SCHIP1: variants seen among roughly 807,000 people sequenced by gnomAD.
SCHIP1 encodes schwannomin-interacting protein 1.
Under a neutral mutation model 29.7 loss-of-function variants are expected in SCHIP1, and 8 were observed. The ratio of observed to expected loss-of-function variants is 0.27; its 90% CI spans 0.16 to 0.49. The LOEUF is 0.49. Among genes scored for constraint, SCHIP1 ranks in the 20% least tolerant of loss-of-function variants. The pLI, the probability that SCHIP1 is intolerant of heterozygous loss-of-function variation, is 0.99. For missense variants in SCHIP1, 193 were observed against 294.6 expected, an observed-to-expected ratio of 0.66 and a Z score of 2.52; for synonymous variants, 76 against 94.9, an observed-to-expected ratio of 0.80 and a Z score of 1.16.
chr3:159,393,795 G>A, the SCHIP1 span, among the ~76,000 whole-genome samples: 21 of 151,802 alleles, frequency 1.4e-4, no homozygotes, highest in South Asian at 8.4e-4. Flanking sequence ...TTGGCGATGC[G>A]GGCTCTTTTT....
the SCHIP1 span, among the ~76,000 whole-genome samples, chr3:159,302,763 C>A: frequency 6.6e-6 from 1 of 152,284 alleles, no homozygotes; most frequent in African/African-American, 2.4e-5. Flanking sequence ...GCAGAGTGAT[C>A]CAACCATCCC....
the SCHIP1 span, among the ~76,000 whole-genome samples, chr3:159,651,530 A>G: frequency 6.6e-6 from 1 of 152,176 alleles, no homozygotes; most frequent in African/African-American, 2.4e-5. Context: ...ATTACTAACA[A>G]TATAGTTGTT....
chr3:159,704,399 C>T, the SCHIP1 span, among the ~76,000 whole-genome samples: 2 of 128,858 alleles, frequency 1.6e-5, no homozygotes, highest in Non-Finnish European at 3.1e-5. Context: ...GGTGCCATTG[C>T]GCTCCAGCAA....
the SCHIP1 span, among the ~76,000 whole-genome samples, chr3:159,795,828 G>A: frequency 6.6e-6 from 1 of 152,162 alleles, no homozygotes; most frequent in African/African-American, 2.4e-5. Flanking sequence ...TATGGCCATG[G>A]AGTAGGATGT....
the SCHIP1 span, among the ~76,000 whole-genome samples, chr3:159,560,922 C>T: frequency 5.9e-5 from 9 of 152,214 alleles, no homozygotes; most frequent in South Asian, 2.1e-4. Context: ...TCAGCTTTTT[C>T]GTTAATGAAC....
intron 1 of SCHIP1, chr3:159,845,670 C>T (rs963960722): frequency 2.0e-5 from 3 of 152,278 alleles, no homozygotes; most frequent in Admixed American, 6.5e-5. Context: ...TCGTGAGCCA[C>T]CGCGCCTGGC....
At chr3:159,615,536 G>A in the SCHIP1 span, among the ~76,000 whole-genome samples, 1 of 152,162 alleles carries the variant, frequency 6.6e-6, no homozygotes, top group Admixed American at 6.5e-5. Flanking sequence ...TTAGAAAAAG[G>A]CACCTCCCTC....
the SCHIP1 span, among the ~76,000 whole-genome samples, chr3:159,810,357 G>A: frequency 6.6e-6 from 1 of 152,290 alleles, no homozygotes; most frequent in South Asian, 2.1e-4. Flanking sequence ...AAATTCACCT[G>A]TTTTAAATGC....
chr3:159,879,723 A>G (rs1716242685), intron 2 of SCHIP1, among the ~76,000 whole-genome samples: 1 of 152,208 alleles, frequency 6.6e-6, no homozygotes, highest in Admixed American at 6.5e-5. Context: ...ATTTAATTAC[A>G]TGAAAGTGGT....
chr3:159,732,845 A>G, the SCHIP1 span, among the ~76,000 whole-genome samples: 1 of 152,222 alleles, frequency 6.6e-6, no homozygotes, highest in Non-Finnish European at 1.5e-5. Flanking sequence ...AGCTGGAGCT[A>G]CAGGACCAGA....
chr3:159,710,575 G>A, the SCHIP1 span, among the ~76,000 whole-genome samples: 2 of 152,058 alleles, frequency 1.3e-5, no homozygotes, highest in Admixed American at 1.3e-4. Context: ...AGTATGTGAG[G>A]GGACAGACAT....
the SCHIP1 span, among the ~76,000 whole-genome samples, chr3:159,444,112 G>A: frequency 6.6e-6 from 1 of 152,036 alleles, no homozygotes; most frequent in Non-Finnish European, 1.5e-5. Flanking sequence ...AAGCGAGATG[G>A]GAAGAGAGAA....
At chr3:159,535,787 G>A in the SCHIP1 span, among the ~76,000 whole-genome samples, 1 of 152,154 alleles carries the variant, frequency 6.6e-6, no homozygotes, top group Non-Finnish European at 1.5e-5. Flanking sequence ...GGCTTTGCAG[G>A]TCACATCCAG....
chr3:159,866,270 C>T lies in SCHIP1; in HGVS notation c.138C>T (p.Ser46=), dbSNP rs547031855. ...GCTGTAGCAAAAGTGGGAAGCCAAGCCTTTCCTCCCGGTGAGTGTTCTTTT... is the reference window on the plus strand; with the variant it reads ...GCTGTAGCAAAAGTGGGAAGCCAAGTCTTTCCTCCCGGTGAGTGTTCTTTT... Residue 46 remains serine (S), a synonymous_variant, in exon 2 of 7, where the codon AGC becomes AGT. Transcript: ENST00000445224. The T allele has an allele frequency of 1.8e-4, 289 of 1,613,508 alleles. 4 individuals carry two copies. In the South Asian group the frequency reaches 2.6e-3, roughly 15 times the overall value.
At chr3:159,496,257 A>G in the SCHIP1 span, among the ~76,000 whole-genome samples, 1 of 152,240 alleles carries the variant, frequency 6.6e-6, no homozygotes, top group Non-Finnish European at 1.5e-5. Context: ...GACAAATGGG[A>G]TCTAATTAAA....
At chr3:159,866,470 G>A (rs931516110) in intron 2 of SCHIP1, among the ~76,000 whole-genome samples, 189 bp downstream of exon 3, 1 of 151,688 alleles carries the variant, frequency 6.6e-6, no homozygotes, top group African/African-American at 2.4e-5. Flanking sequence ...TGTTGTTGTT[G>A]TTATTATTGG....
At chr3:159,869,626 A>G (rs561378315) in intron 2 of SCHIP1, among the ~76,000 whole-genome samples, 1 of 152,046 alleles carries the variant, frequency 6.6e-6, no homozygotes, top group African/African-American at 2.4e-5. Flanking sequence ...ATAAGTCCTG[A>G]TATCTGGACA....
the SCHIP1 span, among the ~76,000 whole-genome samples, chr3:159,318,271 C>T: frequency 6.6e-6 from 1 of 152,198 alleles, no homozygotes; most frequent in Non-Finnish European, 1.5e-5. Flanking sequence ...CAGTTTTTGA[C>T]CACTCAGAGA....
At chr3:159,274,734 A>G in the SCHIP1 span, 20 of 824,716 alleles carry the variant, frequency 2.4e-5, 1 homozygote, top group Middle Eastern at 1.9e-3. Context: ...AAGAGAACAT[A>G]TTGTCATTAA....
Sources: allele counts gnomAD v4.1 joint callset (sites outside exome capture counted in the v4.1 genomes callset), GRCh38; gene constraint gnomAD v4.1.1; transcripts MANE v1.5; gene names NCBI Gene and HGNC (gene_info 2026-07-23, HGNC 2026-07-21).